The following FILIP1L variants were observed in gnomAD, a reference collection of about 807,000 sequenced individuals.
The protein encoded by FILIP1L is filamin A interacting protein 1 like.
In FILIP1L, 55 loss-of-function variants were observed where a neutral mutation model predicts 96.6. That is an observed-to-expected ratio of 0.57 (90% CI 0.46 to 0.71). The LOEUF is 0.71. Among genes scored for constraint, FILIP1L ranks in the 30% least tolerant of loss-of-function variants. The probability of loss-of-function intolerance (pLI) is 0.00; values close to 1 mark genes in which losing one functional copy is unlikely to be tolerated. For missense variants in FILIP1L, 1,304 were observed against 1,321.2 expected (o/e 0.99, Z 0.20); for synonymous variants, 467 against 473.9 (o/e 0.99, Z 0.19).
chr3:100,056,728 G>A (rs1468907253), intron 1 of FILIP1L, among the ~76,000 whole-genome samples: 1 of 151,710 alleles, frequency 6.6e-6, no homozygotes, highest in African/African-American at 2.4e-5. Context: ...GGCCGGGCGC[G>A]GTGGCTCACG....
chr3:99,991,461 TG>T lies in FILIP1L; in HGVS notation c.-10-60432del, dbSNP rs1691038656. ...ATTGATTTTAAATCTATCTTTTTTA[TG>T]TTTATATATTTAGGAGGTACAAATG... On this transcript the variant is annotated intron_variant, in intron 1 of 5. Coordinates refer to ENST00000477258, the MANE Select transcript of FILIP1L (RefSeq NM_001387850.1). 2.0e-5 allele frequency among the ~76,000 whole-genome samples: 3 copies of T among 152,202 alleles called. No individual in the cohort carries two copies. In the South Asian group the frequency reaches 6.2e-4, roughly 31 times the overall value.
intron 4 of FILIP1L, among the ~76,000 whole-genome samples, chr3:99,876,711 G>C (rs1442752088): frequency 1.3e-5 from 2 of 152,082 alleles, no homozygotes; most frequent in African/African-American, 2.4e-5. Flanking sequence ...TTTATTTCCT[G>C]ATGATGTAAC....
chr3:100,011,056 T>C (rs770279747), intron 1 of FILIP1L, among the ~76,000 whole-genome samples: 17 of 152,128 alleles, frequency 1.1e-4, no homozygotes, highest in Non-Finnish European at 2.2e-4. Flanking sequence ...GGTGCAAGGA[T>C]GGTACCAGGG....
At chr3:100,071,021 G>GA (rs1009969583) in intron 1 of FILIP1L, among the ~76,000 whole-genome samples, 7 of 143,890 alleles carry the variant, frequency 4.9e-5, no homozygotes, top group African/African-American at 1.8e-4. Flanking sequence ...CAGTTATACA[G>GA]AAAAAAATAA....
At chr3:99,993,951 C>G (rs1240004425) in intron 1 of FILIP1L, among the ~76,000 whole-genome samples, 3 of 152,128 alleles carry the variant, frequency 2.0e-5, no homozygotes, top group Non-Finnish European at 2.9e-5. Context: ...GTGTCCTTGT[C>G]TGATTTTGGC....
intron 4 of FILIP1L, among the ~76,000 whole-genome samples, chr3:99,907,137 C>T (rs1706643675): frequency 6.6e-6 from 1 of 152,028 alleles, no homozygotes; most frequent in Non-Finnish European, 1.5e-5. Context: ...TGGAAGCAGC[C>T]CTTCAACTCA....
intron 1 of FILIP1L, among the ~76,000 whole-genome samples, chr3:100,096,572 C>A (rs1199022189): frequency 6.6e-6 from 1 of 151,074 alleles, no homozygotes; most frequent in African/African-American, 2.4e-5. Flanking sequence ...AATAATTGAA[C>A]ACATGTTGAT....
rs116321051 is a variant in FILIP1L, at chr3:99,842,924, G to A, written c.3381+5371C>T. Among the ~76,000 whole-genome samples the A allele has an allele frequency of 5.7e-3, 867 of 152,288 alleles. 10 individuals are homozygous for A. Among genetic ancestry groups the A allele is most frequent in the African/African-American group, 0.016 (667 of 41,550 alleles). Reference sequence around the variant, plus strand: ...CTCCCTCAAGATTCCTTACCCTACAGCATTGCCTTTGGGGGATGGCTGCTC... The same window carrying A: ...CTCCCTCAAGATTCCTTACCCTACAACATTGCCTTTGGGGGATGGCTGCTC... On this transcript the variant is annotated intron_variant, in intron 5 of 5. Transcript: ENST00000477258.
At chr3:99,957,881 T>G (rs1436519408) in intron 1 of FILIP1L, among the ~76,000 whole-genome samples, 1 of 150,892 alleles carries the variant, frequency 6.6e-6, no homozygotes, top group Non-Finnish European at 1.5e-5. Context: ...AGCTGAAATG[T>G]CATTTTTTAG....
rs1475699004 is a variant in FILIP1L, at chr3:99,966,613, T to C, written c.-10-35583A>G. ...TACTGTTACTCAGAACCCTTCGCTC[T>C]GTATATACAGTTTGATTTAAGATGC... On this transcript the variant is annotated intron_variant, in intron 1 of 5. Coordinates refer to ENST00000477258, the MANE Select transcript of FILIP1L (RefSeq NM_001387850.1). 3.9e-5 allele frequency among the ~76,000 whole-genome samples: 6 copies of C among 152,212 alleles called. No homozygotes were observed. In the South Asian group the frequency reaches 1.2e-3, roughly 32 times the overall value.
intron 1 of FILIP1L, among the ~76,000 whole-genome samples, chr3:99,966,537 C>T (rs888009707): frequency 2.0e-5 from 3 of 152,194 alleles, no homozygotes; most frequent in Non-Finnish European, 4.4e-5. Flanking sequence ...TGAGTTCACT[C>T]ATCACTAACA....
intron 4 of FILIP1L, among the ~76,000 whole-genome samples, chr3:99,890,475 T>G (rs1706049001): frequency 6.6e-6 from 1 of 152,144 alleles, no homozygotes; most frequent in African/African-American, 2.4e-5. Flanking sequence ...CCTTAATCTC[T>G]TATAACCTAG....
chr3:99,987,321 G>A (rs1709371067), intron 1 of FILIP1L, among the ~76,000 whole-genome samples: 1 of 151,852 alleles, frequency 6.6e-6, no homozygotes, highest in Admixed American at 6.6e-5. Flanking sequence ...TTGAGGTCAG[G>A]AGTTCAAGAC....
chr3:99,886,986 T>C (rs1409458651), intron 4 of FILIP1L, among the ~76,000 whole-genome samples: 10 of 144,540 alleles, frequency 6.9e-5, no homozygotes, highest in African/African-American at 2.3e-4. Context: ...AAAAAAAAAG[T>C]ACTGGCCGGG....
At chr3:100,016,307 C>T (rs6808765) in intron 1 of FILIP1L, among the ~76,000 whole-genome samples, 88,175 of 151,950 alleles carry the variant, frequency 0.58, 25,773 homozygotes, top group East Asian at 0.72. Flanking sequence ...ATTCTCCTGC[C>T]TCAGCCTCCC....
chr3:99,879,888 A>G (rs1472889846), intron 4 of FILIP1L, among the ~76,000 whole-genome samples: 1 of 152,172 alleles, frequency 6.6e-6, no homozygotes, highest in African/African-American at 2.4e-5. Flanking sequence ...TTGCATAGGG[A>G]GAGGTATAGT....
intron 4 of FILIP1L, among the ~76,000 whole-genome samples, chr3:99,890,304 C>G (rs1706042344): frequency 6.6e-6 from 1 of 152,142 alleles, no homozygotes; most frequent in South Asian, 2.1e-4. Context: ...TGATATTATA[C>G]TATTTCATTT....
intron 1 of FILIP1L, among the ~76,000 whole-genome samples, chr3:100,078,089 AAGAT>A (rs1474681500): frequency 1.3e-5 from 2 of 152,118 alleles, no homozygotes; most frequent in African/African-American, 4.8e-5. Context: ...AAAAAAAAAA[AAGAT>A]AATATATGCT....
At position 99,986,334 on chromosome 3, in the gene FILIP1L, TA is replaced by T. The variant is rs980993031; in HGVS notation, c.-10-55305del. Among the ~76,000 whole-genome samples the T allele has an allele frequency of 5.7e-4, 87 of 152,316 alleles. 1 individual carries two copies. The highest frequency in any genetic ancestry group is 2.0e-3 in the African/African-American group (83 of 41,570). On this transcript the variant is annotated intron_variant, in intron 1 of 5. Transcript: ENST00000477258. ...AGATATGCCCTCCACTCCATTGCCATAAAGACATATCATTGTAAAATAAAGA... is the reference window on the plus strand; with the variant it reads ...AGATATGCCCTCCACTCCATTGCCATAAGACATATCATTGTAAAATAAAGA...
Sources: allele counts gnomAD v4.1 joint callset (sites outside exome capture counted in the v4.1 genomes callset), GRCh38; gene constraint gnomAD v4.1.1; transcripts MANE v1.5; gene names NCBI Gene and HGNC (gene_info 2026-07-23, HGNC 2026-07-21).